Variants in IL4R observed in about 807,000 individuals in gnomAD.
IL4R encodes interleukin-4 receptor subunit alpha.
A neutral mutation model predicts 41.5 loss-of-function variants in IL4R; 17 were observed. The ratio of observed to expected loss-of-function variants is 0.41; its 90% CI spans 0.28 to 0.61. The LOEUF is 0.61. IL4R is among the 20% of genes least tolerant of loss of function. The pLI, the probability that IL4R is intolerant of heterozygous loss-of-function variation, is 0.31. For missense variants in IL4R, 974 were observed against 1,043.1 expected (o/e 0.93, Z 0.91); for synonymous variants, 402 against 422.9 (o/e 0.95, Z 0.61).
chr16:27,342,136 T>C lies in IL4R; in HGVS notation c.86T>C (p.Leu29Ser). ...QVASSGNMKV[L>S]QEPTCVSDYM... is the part of the protein sequence containing the mutation. ...GTCTCCCCAGGGAACATGAAGGTCT[T>C]GCAGGAGCCCACCTGCGTCTCCGAC... is the stretch of plus-strand genomic sequence containing the variant. Residue 29 changes from leucine (L) to serine (S), a missense_variant, in exon 4 of 11, where the codon TTG (leucine) becomes TCG (serine). Transcript: ENST00000395762. The C allele has an allele frequency of 6.2e-7, 1 of 1,614,172 alleles. No homozygotes were observed. Among genetic ancestry groups the C allele is most frequent in the Non-Finnish European group, 8.5e-7 (1 of 1,180,022 alleles).
rs530141349 is a variant in IL4R at position 27,351,609 on chromosome 16, G to A, written c.514-931G>A. On this transcript the variant is annotated intron_variant, in intron 6 of 10. Transcript: ENST00000395762. ...AGCTTACCACAATCTCTGCCTCCCAGGTTCAAATGATTCTTCTGCCTCAGC... is the reference window on the plus strand; with the variant it reads ...AGCTTACCACAATCTCTGCCTCCCAAGTTCAAATGATTCTTCTGCCTCAGC... Among the ~76,000 whole-genome samples, 3 of 150,784 alleles carry A rather than the reference G, an allele frequency of 2.0e-5. No individual in the cohort carries two copies. The Admixed American group carries it at 2.0e-4, about 10-fold the overall frequency.
rs2086323713 is a variant in IL4R, at chr16:27,362,304, A to G, written c.952A>G (p.Met318Val). The G allele has an allele frequency of 3.7e-6, 6 of 1,614,108 alleles. No homozygotes were observed. The highest frequency in any genetic ancestry group is 4.2e-6 in the Non-Finnish European group (5 of 1,180,000). Reference protein sequence around the residue: ...KLLPCFLEHNMKRDEDPHKAA... With the variant: ...KLLPCFLEHNVKRDEDPHKAA... ...CTTGCCCTGTTTTCTGGAGCACAAC[A>G]TGAAAAGGGATGAAGATCCTCACAA... The change falls in exon 11 of 11, where the codon ATG (methionine) becomes GTG (valine). Residue 318 changes from methionine to valine, a missense_variant. Physicochemically the swap from Met to Val is conservative, Grantham distance 21. Coordinates refer to ENST00000395762, the MANE Select transcript of IL4R (RefSeq NM_000418.4).
At chr16:27,316,614 T>C (rs2084658523) in intron 1 of IL4R, among the ~76,000 whole-genome samples, 1 of 152,224 alleles carries the variant, frequency 6.6e-6, no homozygotes, top group South Asian at 2.1e-4. Context: ...TTTTATAAGC[T>C]ACTTCACACA....
chr16:27,361,909 C>G (rs545136455), intron 10 of IL4R, among the ~76,000 whole-genome samples: 1 of 152,128 alleles, frequency 6.6e-6, no homozygotes. Flanking sequence ...CGTGAGCCAC[C>G]GCACCCGGCT....
At chr16:27,358,864 C>T (rs1040352922) in intron 8 of IL4R, 52 bp from the exon 9 acceptor site, 6 of 1,360,288 alleles carry the variant, frequency 4.4e-6, no homozygotes, top group African/African-American at 1.5e-5. Flanking sequence ...ATGGGAGGAG[C>T]GTTCACCTGT....
Position 27,363,905 on chromosome 16 carries a change from G to C in IL4R, c.*75G>C. ...CATGCCTGGGAAATGCCACCTCCTG[G>C]AAGGCAGCCAGGCTGGCAGATTTCC... On this transcript the variant is annotated 3_prime_UTR_variant, in exon 11 of 11. Transcript: ENST00000395762. 1 of 1,488,118 alleles carries C rather than the reference G, an allele frequency of 6.7e-7. No homozygotes were observed. Among genetic ancestry groups the C allele is most frequent in the East Asian group, 2.3e-5 (1 of 44,074 alleles). 92.2% of individuals were successfully genotyped at this position (1,488,118 alleles called of 1,614,324 possible). A position where few individuals can be genotyped will look rare whatever the true frequency, so the allele number is the denominator to read the frequency against.
chr16:27,324,966 C>T (rs938292489), intron 1 of IL4R, among the ~76,000 whole-genome samples: 7 of 152,158 alleles, frequency 4.6e-5, no homozygotes, highest in African/African-American at 1.7e-4. Flanking sequence ...CCTGCTGCCT[C>T]CTCCTCCCAA....
intron 6 of IL4R, among the ~76,000 whole-genome samples, chr16:27,350,685 A>C (rs2085834757): frequency 6.6e-6 from 1 of 152,202 alleles, no homozygotes. Flanking sequence ...TTCATGTATC[A>C]CTTTTTAAAG....
intron 6 of IL4R, among the ~76,000 whole-genome samples, chr16:27,348,670 C>T (rs757933261): frequency 2.0e-4 from 30 of 152,140 alleles, no homozygotes; most frequent in Non-Finnish European, 3.7e-4. Context: ...GGCCTGGCTT[C>T]GATGCTGTGC....
intron 2 of IL4R, among the ~76,000 whole-genome samples, chr16:27,331,197 G>A (rs1309579677): frequency 6.6e-6 from 1 of 152,108 alleles, no homozygotes; most frequent in African/African-American, 2.4e-5. Flanking sequence ...AGAATTAAGT[G>A]TATGCACCTT....
chr16:27,323,830 T>G (rs1352345941), intron 1 of IL4R, among the ~76,000 whole-genome samples: 1 of 152,208 alleles, frequency 6.6e-6, no homozygotes, highest in East Asian at 1.9e-4. Flanking sequence ...AATTTTTTTT[T>G]GTATTTTTGG....
chr16:27,341,992 C>G, intron 3 of IL4R, 129 bp from the exon 4 acceptor site: 1 of 980,386 alleles, frequency 1.0e-6, no homozygotes. Context: ...GGCCCCAGCT[C>G]TGTGGGCGCT....
intron 8 of IL4R, among the ~76,000 whole-genome samples, chr16:27,358,223 A>C (rs1260116662): frequency 1.3e-5 from 2 of 152,192 alleles, no homozygotes; most frequent in South Asian, 2.1e-4. Flanking sequence ...TCCATTTATC[A>C]TCCATCTTTC....
chr16:27,326,754 C>T (rs1286222014), intron 1 of IL4R, among the ~76,000 whole-genome samples: 2 of 152,142 alleles, frequency 1.3e-5, no homozygotes, highest in East Asian at 3.9e-4. Context: ...CTGGTGGGTG[C>T]TGTTGGTGGA....
chr16:27,352,588 G>A lies in IL4R; in HGVS notation c.562G>A (p.Ala188Thr). ...CCTAGAACCCTCCCTCCGCATCGCAGCCAGCACCCTGAAGTCTGGGATTTC... is the reference window on the plus strand; with the variant it reads ...CCTAGAACCCTCCCTCCGCATCGCAACCAGCACCCTGAAGTCTGGGATTTC... ...TYLEPSLRIA[A>T]STLKSGISYR... The change falls in exon 7 of 11, where the codon GCC becomes ACC. Residue 188 changes from alanine (A) to threonine (T), a missense_variant. Transcript: ENST00000395762. 1 of 1,614,144 alleles carries A rather than the reference G, an allele frequency of 6.2e-7. No individual in the cohort carries two copies. The highest frequency in any genetic ancestry group is 8.5e-7 in the Non-Finnish European group (1 of 1,179,996).
chr16:27,348,949 C>G (rs564504640), intron 6 of IL4R, among the ~76,000 whole-genome samples: 1 of 152,288 alleles, frequency 6.6e-6, no homozygotes, highest in Admixed American at 6.5e-5. Context: ...CATGCCTGGG[C>G]TATGGCTTAG....
rs548189763 is a variant in IL4R, at chr16:27,331,105, GC to G, written c.-19+910del. Among the ~76,000 whole-genome samples, 226 of 152,198 alleles carry G rather than the reference GC, an allele frequency of 1.5e-3. 3 individuals carry two copies. Among genetic ancestry groups the G allele is most frequent in the Non-Finnish European group, 2.6e-3 (180 of 67,992 alleles). On this transcript the variant is annotated intron_variant, in intron 2 of 10. Coordinates refer to ENST00000395762, the MANE Select transcript of IL4R (RefSeq NM_000418.4). ...CCCTGCTCAAAGACCCTCAAAAGCT[GC>G]CCACTGCTTAGAGGACAGGCCTTTG...
At chr16:27,333,050 T>G (rs1471688896) in intron 2 of IL4R, among the ~76,000 whole-genome samples, 1 of 152,074 alleles carries the variant, frequency 6.6e-6, no homozygotes, top group Non-Finnish European at 1.5e-5. Context: ...ATTTCTAATG[T>G]TTTCAATCTC....
At chr16:27,316,414 T>C (rs954385898) in intron 1 of IL4R, among the ~76,000 whole-genome samples, 2 of 152,114 alleles carry the variant, frequency 1.3e-5, no homozygotes, top group African/African-American at 2.4e-5. Context: ...GAACCTTTTC[T>C]ACCTCCCCCA....
Sources: gnomAD v4.1 joint callset for allele counts (sites outside exome capture counted in the v4.1 genomes callset) on GRCh38, gnomAD v4.1.1 for gene constraint, MANE v1.5 for transcripts, NCBI Gene and HGNC (gene_info 2026-07-23, HGNC 2026-07-21) for gene names.